ZNF280D: variants seen among roughly 807,000 people sequenced by gnomAD.
ZNF280D encodes suppressor of hairy wing homolog 4.
ZNF280D carries 39 observed loss-of-function variants against 94.7 expected under a neutral mutation model. That is an observed-to-expected ratio of 0.41 (90% CI 0.32 to 0.54). The LOEUF (loss-of-function observed/expected upper bound fraction) is 0.54, where lower values mean the gene tolerates loss of function less well. Among genes scored for constraint, ZNF280D ranks in the 20% least tolerant of loss-of-function variants. ZNF280D has a pLI of 0.22. For synonymous variants in ZNF280D, 398 were observed against 377.6 expected, an observed-to-expected ratio of 1.05 and a Z score of -0.63; for missense variants, 1,090 against 1,149.3, an observed-to-expected ratio of 0.95 and a Z score of 0.75.
chr15:56,685,511 G>A (rs886069559), intron 9 of ZNF280D, among the ~76,000 whole-genome samples: 1 of 152,056 alleles, frequency 6.6e-6, no homozygotes. Context: ...ATCAGTTAGA[G>A]CCACCAAATA....
intron 21 of ZNF280D, chr15:56,633,908 T>G (rs1230267835): frequency 6.6e-6 from 1 of 152,210 alleles, no homozygotes. Flanking sequence ...CCCATGTTTA[T>G]TAAATTCATA....
At chr15:56,679,875 C>G (rs1452359553) in intron 10 of ZNF280D, among the ~76,000 whole-genome samples, 1 of 152,152 alleles carries the variant, frequency 6.6e-6, no homozygotes, top group Non-Finnish European at 1.5e-5. Context: ...TTGGTTTTAA[C>G]AACAGCTCTA....
At chr15:56,643,486 T>C (rs1305625335) in intron 19 of ZNF280D, among the ~76,000 whole-genome samples, 1 of 151,736 alleles carries the variant, frequency 6.6e-6, no homozygotes, top group African/African-American at 2.4e-5. Context: ...CTGGAGGCAG[T>C]AAAATCACAG....
chr15:56,669,035 A>C, intron 13 of ZNF280D, 78 bp from the exon 14 acceptor site: 1 of 1,308,718 alleles, frequency 7.6e-7, no homozygotes, highest in Non-Finnish European at 1.1e-6. Flanking sequence ...CTGCTGACTT[A>C]ATTTTAATGA....
At chr15:56,657,228 A>G (rs2053607713) in intron 17 of ZNF280D, among the ~76,000 whole-genome samples, 2 of 152,184 alleles carry the variant, frequency 1.3e-5, no homozygotes, top group Admixed American at 1.3e-4. Context: ...ATAACCAAAG[A>G]TAACTATCAA....
At chr15:56,724,898 A>G (rs1205535578) in intron 1 of ZNF280D, 1 of 455,094 alleles carries the variant, frequency 2.2e-6, no homozygotes, top group Non-Finnish European at 4.4e-6. Flanking sequence ...CATGGAATGT[A>G]AGAAAGCTAT....
intron 19 of ZNF280D, among the ~76,000 whole-genome samples, chr15:56,651,641 G>A (rs1250943701): frequency 3.3e-5 from 5 of 151,946 alleles, no homozygotes; most frequent in African/African-American, 9.7e-5. Flanking sequence ...CCCACAGGTC[G>A]CCCCTACCTC....
chr15:56,642,187 C>T (rs1323029105), intron 20 of ZNF280D, among the ~76,000 whole-genome samples: 2 of 151,638 alleles, frequency 1.3e-5, no homozygotes, highest in Non-Finnish European at 1.5e-5. Context: ...AATTTAAAAA[C>T]CTGCATCTGT....
rs369790820 is a variant in ZNF280D, at chr15:56,658,465, G to C, written c.2016C>G (p.Ser672Arg). The change falls in exon 17 of 22, where the codon AGC becomes AGG. Residue 672 changes from serine to arginine, a missense_variant. By Grantham distance (110) the Ser-to-Arg change is moderately radical. This residue lies in a region of ZNF280D where 577 missense variants were observed against 568.8 expected (regional missense o/e 1.01). Coordinates refer to ENST00000267807, the MANE Select transcript of ZNF280D (RefSeq NM_017661.4). ...HMMSFHSNRP[S>R]KRFCIFKKHS... ...GCTTCTTAAAAATACAAAACCTTTT[G>C]CTTGGACGGTTACTATGAAAGCTGG... 1.3e-6 allele frequency: 2 copies of C among 1,582,224 alleles called. No homozygotes were observed. The highest frequency in any genetic ancestry group is 8.6e-7 in the Non-Finnish European group (1 of 1,168,990).
intron 13 of ZNF280D, among the ~76,000 whole-genome samples, chr15:56,672,637 T>G (rs147681970): frequency 0.01 from 1,569 of 152,018 alleles, 26 homozygotes; most frequent in African/African-American, 0.035. Flanking sequence ...GCCTGAAGTT[T>G]TGTGTGTGTG....
At chr15:56,665,206 T>C (rs2054203766) in intron 16 of ZNF280D, among the ~76,000 whole-genome samples, 1 of 152,266 alleles carries the variant, frequency 6.6e-6, no homozygotes, top group East Asian at 1.9e-4. Context: ...TAGTTGATAA[T>C]GACCAGCAAG....
At chr15:56,653,583 C>G in intron 19 of ZNF280D, 1 of 1,498,716 alleles carries the variant, frequency 6.7e-7, no homozygotes, top group Non-Finnish European at 8.9e-7. Flanking sequence ...TTTGAAATCT[C>G]TGGGCTGCTT....
At chr15:56,649,295 G>A (rs1184167547) in intron 19 of ZNF280D, among the ~76,000 whole-genome samples, 2 of 152,062 alleles carry the variant, frequency 1.3e-5, no homozygotes, top group African/African-American at 4.8e-5. Context: ...GTAGAGATTG[G>A]TACAGTTTGT....
chr15:56,706,811 ATAATT>A (rs1447705951), intron 3 of ZNF280D, among the ~76,000 whole-genome samples: 3 of 152,178 alleles, frequency 2.0e-5, no homozygotes, highest in African/African-American at 4.8e-5. Context: ...TTTTTTAGAA[ATAATT>A]TAATTTTTGT....
chr15:56,685,341 A>AAAAAC (rs10633210), intron 9 of ZNF280D, among the ~76,000 whole-genome samples: 80,328 of 150,290 alleles, frequency 0.53, 21,956 homozygotes, highest in East Asian at 0.6. Flanking sequence ...CATAAGGTAA[A>AAAAAC]AAAACAAAAC....
intron 1 of ZNF280D, among the ~76,000 whole-genome samples, chr15:56,724,492 G>T (rs531413909): frequency 2.6e-5 from 4 of 152,306 alleles, no homozygotes; most frequent in Non-Finnish European, 5.9e-5. Flanking sequence ...AGCCCAAATA[G>T]AAGAGAACAT....
chr15:56,710,292 T>C (rs958457401), intron 1 of ZNF280D, among the ~76,000 whole-genome samples: 4 of 152,140 alleles, frequency 2.6e-5, no homozygotes, highest in Non-Finnish European at 5.9e-5. Context: ...TAGTCCCAGC[T>C]ACTTGGGAAG....
chr15:56,655,137 T>A (rs1465406305), intron 17 of ZNF280D, among the ~76,000 whole-genome samples: 1 of 152,230 alleles, frequency 6.6e-6, no homozygotes, highest in Non-Finnish European at 1.5e-5. Flanking sequence ...AAGGTTGGTA[T>A]TATTCTTACT....
intron 1 of ZNF280D, among the ~76,000 whole-genome samples, chr15:56,721,107 C>A (rs2058336353): frequency 6.6e-6 from 1 of 152,076 alleles, no homozygotes; most frequent in Non-Finnish European, 1.5e-5. Flanking sequence ...GGACTACAGG[C>A]ATGCACCACC....
Sources: allele counts gnomAD v4.1 joint callset (sites outside exome capture counted in the v4.1 genomes callset), GRCh38; gene constraint gnomAD v4.1.1; regional missense constraint gnomAD v4.1.1; transcripts MANE v1.5; gene names NCBI Gene and HGNC (gene_info 2026-07-23, HGNC 2026-07-21).